The following CPNE4 variants were observed in gnomAD, a reference collection of about 807,000 sequenced individuals.
The protein encoded by CPNE4 is copine-4.
CPNE4 carries 25 observed loss-of-function variants against 67.9 expected under a neutral mutation model. The observed-to-expected ratio is 0.37, with a 90% confidence interval of 0.27 to 0.51. The LOEUF is 0.51. Among genes scored for constraint, CPNE4 ranks in the 20% least tolerant of loss-of-function variants. The pLI is 0.93. For synonymous variants in CPNE4, 242 were observed against 244.9 expected, an observed-to-expected ratio of 0.99 and a Z score of 0.11; for missense variants, 464 against 690.8, an observed-to-expected ratio of 0.67 and a Z score of 3.68.
chr3:131,921,926 T>C (rs1199043638), intron 1 of CPNE4, among the ~76,000 whole-genome samples: 3 of 152,154 alleles, frequency 2.0e-5, no homozygotes, highest in African/African-American at 7.2e-5. Context: ...CTCTTTTTGA[T>C]ATAATTTCAA....
intron 1 of CPNE4, among the ~76,000 whole-genome samples, chr3:132,022,540 G>C (rs191401271): frequency 1.3e-5 from 2 of 148,926 alleles, no homozygotes; most frequent in East Asian, 4.0e-4. Flanking sequence ...CTCCAGAAAT[G>C]TATTTCCTGT....
chr3:131,541,136 A>C (rs1263343018), intron 15 of CPNE4, among the ~76,000 whole-genome samples: 1 of 152,140 alleles, frequency 6.6e-6, no homozygotes, highest in Non-Finnish European at 1.5e-5. Context: ...AGAAGCACAA[A>C]ACAAAAAACA....
intron 2 of CPNE4, among the ~76,000 whole-genome samples, chr3:131,777,267 C>G (rs185413550): frequency 2.8e-4 from 43 of 152,160 alleles, no homozygotes; most frequent in Middle Eastern, 3.4e-3. Flanking sequence ...TCAATGCACT[C>G]TGCCCTAAAG....
chr3:131,756,266 T>G (rs1276883239), intron 2 of CPNE4, among the ~76,000 whole-genome samples: 1 of 152,210 alleles, frequency 6.6e-6, no homozygotes, highest in African/African-American at 2.4e-5. Context: ...CTCCCCCTTA[T>G]CAGATGCTGA....
intron 2 of CPNE4, among the ~76,000 whole-genome samples, chr3:131,824,752 G>A (rs940180017): frequency 6.6e-6 from 1 of 152,160 alleles, no homozygotes; most frequent in Non-Finnish European, 1.5e-5. Flanking sequence ...AGACAAACTA[G>A]AGAAGGATAA....
chr3:131,941,976 C>T (rs1299685740), intron 1 of CPNE4, among the ~76,000 whole-genome samples: 1 of 152,028 alleles, frequency 6.6e-6, no homozygotes, highest in Non-Finnish European at 1.5e-5. Flanking sequence ...TTTTACCAAA[C>T]AACCCATTAT....
intron 2 of CPNE4, among the ~76,000 whole-genome samples, chr3:131,724,907 T>C (rs769050174): frequency 6.6e-6 from 1 of 152,216 alleles, no homozygotes; most frequent in African/African-American, 2.4e-5. Flanking sequence ...AGTAAAAATA[T>C]ACAAAACCAT....
chr3:131,579,246 C>T (rs988608637), intron 9 of CPNE4, among the ~76,000 whole-genome samples: 3 of 152,148 alleles, frequency 2.0e-5, no homozygotes, highest in African/African-American at 7.2e-5. Flanking sequence ...GCCTGGATGG[C>T]ATCACATCTG....
chr3:131,858,819 A>C (rs1303243154), intron 2 of CPNE4, among the ~76,000 whole-genome samples: 2 of 152,140 alleles, frequency 1.3e-5, no homozygotes, highest in Non-Finnish European at 2.9e-5. Context: ...CAATCTTTAC[A>C]AAATTGCAAT....
In CPNE4 at chr3:131,870,922, G is replaced by A. The variant is rs887104108; in HGVS notation, c.180+34342C>T. On this transcript the variant is annotated intron_variant, in intron 2 of 15. Transcript: ENST00000429747. ...AGGTAATTCAATAATTGTCTTCTAG[G>A]TGAACACAAGCTTTTGTTGAACATC... Among the ~76,000 whole-genome samples, 7 of 152,244 alleles carry A rather than the reference G, an allele frequency of 4.6e-5. No homozygotes were observed. In the South Asian group the frequency reaches 1.5e-3, roughly 32 times the overall value.
intron 7 of CPNE4, among the ~76,000 whole-genome samples, chr3:131,649,266 C>G (rs2079746641): frequency 6.6e-6 from 1 of 152,166 alleles, no homozygotes; most frequent in Non-Finnish European, 1.5e-5. Flanking sequence ...ATAGATGGTT[C>G]TCACACAGAT....
chr3:131,614,926 G>T (rs962211592), intron 7 of CPNE4, among the ~76,000 whole-genome samples: 9 of 152,180 alleles, frequency 5.9e-5, no homozygotes, highest in African/African-American at 1.9e-4. Flanking sequence ...ATACTGCATT[G>T]TTCTCAGGGA....
rs1298769114 is a variant in CPNE4, at chr3:131,682,930, C to G, written c.591+2945G>C. Among the ~76,000 whole-genome samples, 3 of 152,134 alleles carry G rather than the reference C, an allele frequency of 2.0e-5. No homozygotes were observed. The East Asian group carries it at 5.8e-4, about 29-fold the overall frequency. ...CTTGGCCACCACCACCCTAGGACCA[C>G]AGCAAGTACTGCCTGCCTACCACCA... is the stretch of plus-strand genomic sequence containing the variant. On this transcript the variant is annotated intron_variant, in intron 6 of 15. Coordinates refer to ENST00000429747, the MANE Select transcript of CPNE4 (RefSeq NM_130808.3).
At chr3:131,572,554 T>G (rs1200001020) in intron 10 of CPNE4, among the ~76,000 whole-genome samples, 1 of 151,890 alleles carries the variant, frequency 6.6e-6, no homozygotes, top group Non-Finnish European at 1.5e-5. Flanking sequence ...GCTTGGGTGG[T>G]GCATCCAAGG....
rs1412243181 is a variant in CPNE4, at chr3:131,991,817, G to A, written c.-2+42750C>T. 1.5e-5 allele frequency among the ~76,000 whole-genome samples: 2 copies of A among 135,544 alleles called. 1 individual carries two copies. The highest frequency in any genetic ancestry group is 3.3e-5 in the Non-Finnish European group (2 of 59,740). The allele number at this position is 135,544 out of a possible 152,430, so 88.9% of individuals were successfully genotyped here. ...GGGCCTCCTGCTCTGTGCAGCCTTA[G>A]GATATGGTACCCTGCCATGTCCAAG... On this transcript the variant is annotated intron_variant, in intron 1 of 15. Coordinates refer to ENST00000429747, the MANE Select transcript of CPNE4 (RefSeq NM_130808.3).
At position 131,892,766 on chromosome 3, in the gene CPNE4, A is replaced by G. The variant is rs188321519; in HGVS notation, c.180+12498T>C. ...AGTTGTGATCAGCTTAAAATCGTCT[A>G]TTTTAACTACAAGACTCTTTGTATT... On this transcript the variant is annotated intron_variant, in intron 2 of 15. Transcript: ENST00000429747. 1.2e-3 allele frequency among the ~76,000 whole-genome samples: 179 copies of G among 152,228 alleles called. 3 individuals are homozygous for G. Among genetic ancestry groups the G allele is most frequent in the Non-Finnish European group, 1.9e-4 (13 of 67,988 alleles).
At position 131,700,002 on chromosome 3, in the gene CPNE4, G is replaced by A. The variant is rs377416776; in HGVS notation, c.361-22C>T. On this transcript the variant is annotated intron_variant, in intron 3 of 15. Coordinates refer to ENST00000429747, the MANE Select transcript of CPNE4 (RefSeq NM_130808.3). Reference sequence around the variant, plus strand: ...CAATCTGCAAAAAAGGAAACAAAAGGTAACAAAAGGTAGAGATACTAGTCA... The same window carrying A: ...CAATCTGCAAAAAAGGAAACAAAAGATAACAAAAGGTAGAGATACTAGTCA... 10 of 1,542,336 alleles carry A rather than the reference G, an allele frequency of 6.5e-6. No homozygotes were observed. In the South Asian group the frequency reaches 1.0e-4, roughly 16 times the overall value.
chr3:131,701,866 C>G (rs2081311086), intron 3 of CPNE4, among the ~76,000 whole-genome samples: 1 of 152,066 alleles, frequency 6.6e-6, no homozygotes, highest in Non-Finnish European at 1.5e-5. Flanking sequence ...GTTTTTTAAG[C>G]TTTTGAAGTA....
chr3:131,743,962 C>CAAAAAAAAAAAAAAAAAAAAAAAAAA (rs67791015), intron 2 of CPNE4, among the ~76,000 whole-genome samples: 1 of 59,206 alleles, frequency 1.7e-5, no homozygotes, highest in African/African-American at 7.4e-5. Context: ...GACTCCGTCT[C>CAAAAAAAAAAAAAAAAAAAAAAAAAA]AAAAAAAAAA....
Sources: gnomAD v4.1 joint callset for allele counts (sites outside exome capture counted in the v4.1 genomes callset) on GRCh38, gnomAD v4.1.1 for gene constraint, MANE v1.5 for transcripts, NCBI Gene and HGNC (gene_info 2026-07-23, HGNC 2026-07-21) for gene names.